Variants in STX2 observed in about 807,000 individuals in gnomAD.
STX2 encodes syntaxin-2.
In STX2, 27 loss-of-function variants were observed where a neutral mutation model predicts 40.6. The ratio of observed to expected loss-of-function variants is 0.66; its 90% CI spans 0.49 to 0.92. STX2 has a LOEUF of 0.92. STX2 is among the 40% of genes least tolerant of loss of function. The pLI, the probability that STX2 is intolerant of heterozygous loss-of-function variation, is 0.00. For synonymous variants in STX2, 123 were observed against 119.1 expected (o/e 1.03, Z -0.22); for missense variants, 328 against 366.1 (o/e 0.90, Z 0.85).
At chr12:130,807,952 G>C (rs531717598) in intron 5 of STX2, among the ~76,000 whole-genome samples, 2 of 152,210 alleles carry the variant, frequency 1.3e-5, no homozygotes, top group African/African-American at 4.8e-5. Flanking sequence ...TGCTCACAAG[G>C]AAATTCCTCG....
chr12:130,807,159 A>G (rs1951468226), intron 5 of STX2, 69 bp from the exon 6 acceptor site: 2 of 1,492,544 alleles, frequency 1.3e-6, no homozygotes, highest in Admixed American at 1.8e-5. Context: ...CATGCAAGAC[A>G]TGCATTTTGG....
intron 1 of STX2, among the ~76,000 whole-genome samples, chr12:130,835,937 T>C (rs1267040892): frequency 6.7e-6 from 1 of 148,408 alleles, no homozygotes; most frequent in Non-Finnish European, 1.5e-5. Flanking sequence ...CAGAGGCACG[T>C]TCTTCACAGG....
intron 1 of STX2, among the ~76,000 whole-genome samples, chr12:130,829,682 G>C (rs1190935782): frequency 6.6e-6 from 1 of 152,234 alleles, no homozygotes; most frequent in East Asian, 1.9e-4. Context: ...AATCCCACTA[G>C]CTGGGCACGG....
intron 2 of STX2, 144 bp from the exon 3 acceptor site, chr12:130,821,932 G>T: frequency 1.7e-6 from 1 of 572,078 alleles, no homozygotes; most frequent in Non-Finnish European, 3.1e-6. Context: ...CACTGGTATC[G>T]TTAAATTTAA....
chr12:130,825,241 T>A (rs772181273), intron 2 of STX2, among the ~76,000 whole-genome samples: 36 of 152,270 alleles, frequency 2.4e-4, no homozygotes, highest in African/African-American at 8.7e-4. Flanking sequence ...TTTGGCACAT[T>A]GGCCTGGCTG....
intron 3 of STX2, among the ~76,000 whole-genome samples, chr12:130,817,747 G>C (rs1951914968): frequency 6.6e-6 from 1 of 151,970 alleles, no homozygotes; most frequent in South Asian, 2.1e-4. Flanking sequence ...AAAAGACACT[G>C]GAAAAATATG....
At chr12:130,794,093 G>A (rs73457948) in intron 10 of STX2, among the ~76,000 whole-genome samples, 7,803 of 152,140 alleles carry the variant, frequency 0.051, 629 homozygotes, top group African/African-American at 0.17. Context: ...CTGTGTCCGC[G>A]CTACAAATTG....
intron 2 of STX2, among the ~76,000 whole-genome samples, chr12:130,826,673 T>A (rs895818773): frequency 1.3e-5 from 2 of 152,182 alleles, no homozygotes; most frequent in African/African-American, 4.8e-5. Flanking sequence ...ATTTCAAATA[T>A]GATAAATGCA....
At chr12:130,808,085 A>G (rs1951509258) in intron 5 of STX2, among the ~76,000 whole-genome samples, 1 of 152,194 alleles carries the variant, frequency 6.6e-6, no homozygotes, top group African/African-American at 2.4e-5. Flanking sequence ...TACAGGACAA[A>G]GACAAGACTA....
intron 10 of STX2, among the ~76,000 whole-genome samples, chr12:130,793,461 G>GCAGCA (rs57411622): frequency 3.3e-4 from 49 of 150,282 alleles, no homozygotes; most frequent in Middle Eastern, 3.2e-3. Context: ...TCCACGCAGC[G>GCAGCA]TGCTCTCATC....
At chr12:130,796,467 C>T (rs1249707727) in intron 9 of STX2, among the ~76,000 whole-genome samples, 2 of 152,160 alleles carry the variant, frequency 1.3e-5, no homozygotes, top group African/African-American at 4.8e-5. Context: ...GCCTGGGCAA[C>T]AGAGCAAGAC....
Position 130,827,208 on chromosome 12 carries a change from A to C in STX2, c.90T>G (p.Asp30Glu). The part of the protein sequence containing the change: ...VVVVEKDHFM[D>E]DFFHQVEEIR... Reference sequence around the variant, plus strand: ...ACGCTCTTACCTGATGGAAGAAATCATCCATGAAATGATCTTTCTCAACCA... The same window carrying C: ...ACGCTCTTACCTGATGGAAGAAATCCTCCATGAAATGATCTTTCTCAACCA... The change falls in exon 2 of 11, where the codon GAT becomes GAG. Residue 30 changes from aspartate (D) to glutamate (E), a missense_variant. By Grantham distance (45) the Asp-to-Glu change is conservative (BLOSUM62 2). Transcript: ENST00000392373. 1 of 1,613,610 alleles carries C rather than the reference A, an allele frequency of 6.2e-7. No homozygotes were observed. Among genetic ancestry groups the C allele is most frequent in the Non-Finnish European group, 8.5e-7 (1 of 1,179,716 alleles).
intron 6 of STX2, among the ~76,000 whole-genome samples, chr12:130,806,211 T>C (rs922184422): frequency 6.6e-6 from 1 of 152,132 alleles, no homozygotes; most frequent in Non-Finnish European, 1.5e-5. Flanking sequence ...ATGTGCGGCG[T>C]TGGGAGCCGG....
At chr12:130,835,114 C>A (rs1054250919) in intron 1 of STX2, among the ~76,000 whole-genome samples, 1 of 152,206 alleles carries the variant, frequency 6.6e-6, no homozygotes, top group East Asian at 1.9e-4. Flanking sequence ...CACAGCGCAA[C>A]CCCATCTCTA....
chr12:130,801,027 T>G, intron 8 of STX2, 126 bp downstream of exon 8: 3 of 1,097,010 alleles, frequency 2.7e-6, no homozygotes, highest in Non-Finnish European at 1.3e-6. Flanking sequence ...AACACTGCAA[T>G]TAACCTGAAT....
At chr12:130,815,333 A>C (rs937777158) in intron 3 of STX2, among the ~76,000 whole-genome samples, 2 of 152,168 alleles carry the variant, frequency 1.3e-5, no homozygotes, top group African/African-American at 4.8e-5. Context: ...CCAGCACCAC[A>C]CAACAAAGAA....
intron 3 of STX2, among the ~76,000 whole-genome samples, chr12:130,813,790 CAGAAG>C (rs149817388): frequency 0.56 from 85,101 of 151,974 alleles, 26,307 homozygotes; most frequent in East Asian, 0.87. Context: ...CTGAAGTGAC[CAGAAG>C]GGAAGGGGGT....
chr12:130,832,338 A>C (rs1244746833), intron 1 of STX2, among the ~76,000 whole-genome samples: 1 of 152,132 alleles, frequency 6.6e-6, no homozygotes, highest in African/African-American at 2.4e-5. Context: ...ATTGTGCCTA[A>C]TATTTTTCCA....
chr12:130,818,076 T>G (rs1313272203), intron 3 of STX2, among the ~76,000 whole-genome samples: 1 of 148,640 alleles, frequency 6.7e-6, no homozygotes, highest in Non-Finnish European at 1.5e-5. Flanking sequence ...ACGCGCGGCT[T>G]CGTTTCTGAA....
Sources: allele counts gnomAD v4.1 joint callset (sites outside exome capture counted in the v4.1 genomes callset), GRCh38; gene constraint gnomAD v4.1.1; transcripts MANE v1.5; gene names NCBI Gene and HGNC (gene_info 2026-07-23, HGNC 2026-07-21).